Variants in RGL1 observed in about 807,000 individuals in gnomAD.
The protein encoded by RGL1 is ral guanine nucleotide dissociation stimulator like 1, also known as ral guanine nucleotide dissociation stimulator-like 1.
Under a neutral mutation model 95.2 loss-of-function variants are expected in RGL1, and 24 were observed. The ratio of observed to expected loss-of-function variants is 0.25; its 90% confidence interval spans 0.18 to 0.35. RGL1 has a LOEUF of 0.35. Among genes scored for constraint, RGL1 ranks in the 10% least tolerant of loss-of-function variants. The pLI, the probability that RGL1 is intolerant of heterozygous loss-of-function variation, is 1.00. For missense variants in RGL1, 715 were observed against 936.3 expected, an observed-to-expected ratio of 0.76 and a Z score of 3.08; for synonymous variants, 329 against 344.9, an observed-to-expected ratio of 0.95 and a Z score of 0.51.
intron 3 of RGL1, among the ~76,000 whole-genome samples, chr1:183,861,629 T>C (rs1001626832): frequency 2.0e-5 from 3 of 152,234 alleles, no homozygotes; most frequent in African/African-American, 7.2e-5. Context: ...GAAAACCATG[T>C]CAAAAGTCAT....
At chr1:183,641,040 A>G (rs1389306725) in intron 1 of RGL1, among the ~76,000 whole-genome samples, 1 of 152,260 alleles carries the variant, frequency 6.6e-6, no homozygotes, top group Non-Finnish European at 1.5e-5. Flanking sequence ...AAACATTCCC[A>G]CATTTCTAGA....
chr1:183,896,844 G>A (rs1458166996), intron 9 of RGL1, among the ~76,000 whole-genome samples: 3 of 152,174 alleles, frequency 2.0e-5, no homozygotes, highest in Non-Finnish European at 2.9e-5. Flanking sequence ...GTGTCCTCAG[G>A]CACCAGGAGG....
chr1:183,811,038 A>G (rs1661675140), intron 2 of RGL1, among the ~76,000 whole-genome samples: 1 of 152,186 alleles, frequency 6.6e-6, no homozygotes, highest in African/African-American at 2.4e-5. Flanking sequence ...TGGGGGACTA[A>G]TATTGTTTTT....
chr1:183,917,078 A>T (rs1185166053), intron 16 of RGL1, among the ~76,000 whole-genome samples: 1 of 152,184 alleles, frequency 6.6e-6, no homozygotes, highest in Admixed American at 6.5e-5. Context: ...AAGCCTTCCT[A>T]TGGAATTATA....
At chr1:183,806,654 A>G (rs935674752) in intron 2 of RGL1, among the ~76,000 whole-genome samples, 169 bp downstream of exon 2, 2 of 151,300 alleles carry the variant, frequency 1.3e-5, no homozygotes, top group Non-Finnish European at 2.9e-5. Flanking sequence ...CTCTTTTTGT[A>G]TTTAATGTTT....
At chr1:183,661,639 A>G (rs1475229418) in intron 1 of RGL1, among the ~76,000 whole-genome samples, 6 of 150,162 alleles carry the variant, frequency 4.0e-5, no homozygotes, top group East Asian at 1.9e-4. Context: ...ACAAGGAGGA[A>G]CTGGTACCAT....
intron 2 of RGL1, among the ~76,000 whole-genome samples, chr1:183,772,871 C>T (rs911098246): frequency 2.7e-5 from 4 of 150,782 alleles, no homozygotes; most frequent in African/African-American, 4.9e-5. Context: ...TAGCCGGGCG[C>T]GGTGGCGGGC....
At chr1:183,698,467 T>C (rs1204295568) in intron 1 of RGL1, among the ~76,000 whole-genome samples, 2 of 152,374 alleles carry the variant, frequency 1.3e-5, no homozygotes, top group South Asian at 2.1e-4. Flanking sequence ...AGAACAACCA[T>C]GCTATGTTTG....
intron 1 of RGL1, among the ~76,000 whole-genome samples, chr1:183,657,838 T>G (rs949975005): frequency 6.6e-6 from 1 of 151,990 alleles, no homozygotes. Flanking sequence ...ATGGTATTTC[T>G]AGTTCTAGAT....
intron 1 of RGL1, among the ~76,000 whole-genome samples, chr1:183,718,539 C>T (rs924194930): frequency 1.3e-5 from 2 of 152,126 alleles, no homozygotes; most frequent in African/African-American, 4.8e-5. Flanking sequence ...GGCATAGTAG[C>T]TTAGAATATG....
At chr1:183,678,314 T>G (rs1173191281) in intron 1 of RGL1, among the ~76,000 whole-genome samples, 4 of 152,240 alleles carry the variant, frequency 2.6e-5, no homozygotes. Flanking sequence ...TAGATTTATA[T>G]TCTTCCCTAT....
chr1:183,912,580 G>A (rs1237840925), intron 15 of RGL1, among the ~76,000 whole-genome samples: 7 of 152,226 alleles, frequency 4.6e-5, no homozygotes, highest in African/African-American at 1.7e-4. Flanking sequence ...ATGGAGATGT[G>A]TCAGGTTCTT....
At position 183,659,392 on chromosome 1, in the gene RGL1, G is replaced by A. The variant is rs190468324; in HGVS notation, c.-33+22891G>A. Among the ~76,000 whole-genome samples, 802 of 152,308 alleles carry A rather than the reference G, an allele frequency of 5.3e-3. 5 individuals carry two copies. Among genetic ancestry groups the A allele is most frequent in the African/African-American group, 0.018 (757 of 41,570 alleles). ...CTGATGGAGCTGAAAGCCAAGGCTC[G>A]AGAACTATGGGAAGAATGCAGAAGC... On this transcript the variant is annotated intron_variant, in intron 1 of 18. Transcript: ENST00000304685.
rs1345597328 is a variant in RGL1, at chr1:183,645,644, A to C, written c.-33+9143A>C. 3.9e-5 allele frequency among the ~76,000 whole-genome samples: 6 copies of C among 152,244 alleles called. No individual in the cohort carries two copies. In the East Asian group the frequency reaches 1.2e-3, roughly 29 times the overall value. ...GACCAAGAATCACTGCGTAGTGAGC[A>C]AGGAAAGCTAATCACTGCACTGCAG... On this transcript the variant is annotated intron_variant, in intron 1 of 18. Transcript: ENST00000304685.
At chr1:183,863,614 G>A (rs148139844) in intron 3 of RGL1, among the ~76,000 whole-genome samples, 2 of 152,332 alleles carry the variant, frequency 1.3e-5, no homozygotes, top group South Asian at 2.1e-4. Context: ...ATCCAAGATA[G>A]TGTAGTTGGA....
intron 1 of RGL1, chr1:183,742,052 G>T (rs1199749424): frequency 1.1e-5 from 13 of 1,237,738 alleles, no homozygotes; most frequent in Non-Finnish European, 1.5e-5. Context: ...AGTCAAGCAT[G>T]ATAATTTGCT....
At chr1:183,907,671 C>T (rs760764234) in intron 14 of RGL1, among the ~76,000 whole-genome samples, 30 of 152,160 alleles carry the variant, frequency 2.0e-4, no homozygotes, top group Non-Finnish European at 3.8e-4. Context: ...TCTAATGTTG[C>T]TGTCCACCCC....
intron 2 of RGL1, among the ~76,000 whole-genome samples, chr1:183,790,814 A>G (rs866771518): frequency 2.0e-5 from 3 of 152,176 alleles, no homozygotes; most frequent in Non-Finnish European, 4.4e-5. Context: ...TATTCTGGAA[A>G]TAAGTCATTA....
rs376258698 is a variant in RGL1 at position 183,648,553 on chromosome 1, T to C, written c.-33+12052T>C. 1.4e-5 allele frequency: 22 copies of C among 1,614,230 alleles called. No homozygotes were observed. Among genetic ancestry groups the C allele is most frequent in the Non-Finnish European group, 1.7e-5 (20 of 1,180,038 alleles). On this transcript the variant is annotated intron_variant, in intron 1 of 18. Transcript: ENST00000304685. ...CTAGCATGGCCCTTTTGCACCAGGCTACCAGAAGAAGTTTTTAGTTCATAA... is the reference window on the plus strand; with the variant it reads ...CTAGCATGGCCCTTTTGCACCAGGCCACCAGAAGAAGTTTTTAGTTCATAA...
Sources: gnomAD v4.1 joint callset for allele counts (sites outside exome capture counted in the v4.1 genomes callset) on GRCh38, gnomAD v4.1.1 for gene constraint, MANE v1.5 for transcripts, NCBI Gene and HGNC (gene_info 2026-07-23, HGNC 2026-07-21) for gene names.